Variants in PDLIM5 observed in about 807,000 individuals in gnomAD.
The protein encoded by PDLIM5 is PDZ and LIM domain 5.
In PDLIM5, 34 loss-of-function variants were observed where a neutral mutation model predicts 64.2. The ratio of observed to expected loss-of-function variants is 0.53; its 90% CI spans 0.40 to 0.71. The LOEUF (loss-of-function observed/expected upper bound fraction) is 0.71, where lower values mean the gene tolerates loss of function less well. Ranked by LOEUF, PDLIM5 falls within the 30% of genes least tolerant of loss-of-function variation. The probability of loss-of-function intolerance (pLI) is 0.00; values close to 1 mark genes in which losing one functional copy is unlikely to be tolerated. For missense variants in PDLIM5, 683 were observed against 733.6 expected (o/e 0.93, Z 0.80); for synonymous variants, 253 against 269.1 (o/e 0.94, Z 0.59).
intron 2 of PDLIM5, among the ~76,000 whole-genome samples, chr4:94,477,341 A>G (rs980971847): frequency 5.3e-5 from 8 of 152,236 alleles, no homozygotes; most frequent in Non-Finnish European, 1.2e-4. Flanking sequence ...TAAAAGGACA[A>G]TTTAAGTTAA....
At chr4:94,613,583 T>C (rs1239355545) in intron 7 of PDLIM5, among the ~76,000 whole-genome samples, 1 of 152,180 alleles carries the variant, frequency 6.6e-6, no homozygotes, top group African/African-American at 2.4e-5. Flanking sequence ...AACAAAAACC[T>C]TGGTATTCTT....
chr4:94,517,812 G>A (rs1729494527), intron 2 of PDLIM5, among the ~76,000 whole-genome samples: 3 of 152,204 alleles, frequency 2.0e-5, no homozygotes, highest in South Asian at 2.1e-4. Flanking sequence ...ATAGGTACAC[G>A]TCTCCTACTT....
Position 94,667,434 on chromosome 4 carries a change from T to C in PDLIM5, c.*3367T>C, listed in dbSNP as rs1044435226. 1.3e-5 allele frequency: 2 copies of C among 152,192 alleles called. No homozygotes were observed. Among genetic ancestry groups the C allele is most frequent in the African/African-American group, 4.8e-5 (2 of 41,438 alleles). The allele number at this position is 152,192 out of a possible 1,614,324, so 9.4% of individuals were successfully genotyped here. ...AACTTTTTTTTGTCATTAAACAATA[T>C]AGTATAACAACTATTTACAAAGCAT... On this transcript the variant is annotated 3_prime_UTR_variant, in exon 13 of 13. Transcript: ENST00000317968.
chr4:94,657,105 G>T (rs1742271996), intron 10 of PDLIM5, among the ~76,000 whole-genome samples: 1 of 152,170 alleles, frequency 6.6e-6, no homozygotes, highest in African/African-American at 2.4e-5. Context: ...AGAAGAAGCA[G>T]AAAGTTTTGT....
chr4:94,453,331 C>T (rs759611856), intron 1 of PDLIM5, among the ~76,000 whole-genome samples: 5 of 152,048 alleles, frequency 3.3e-5, no homozygotes, highest in Non-Finnish European at 7.4e-5. Context: ...AGATGAATTC[C>T]AAATGAAGCT....
intron 9 of PDLIM5, among the ~76,000 whole-genome samples, chr4:94,649,550 C>G (rs1161914638): frequency 2.0e-5 from 3 of 152,160 alleles, no homozygotes; most frequent in African/African-American, 7.2e-5. Flanking sequence ...CTGTCATCTC[C>G]CTGCCCTATG....
chr4:94,608,456 C>G (rs1241855044), intron 7 of PDLIM5, among the ~76,000 whole-genome samples: 1 of 152,142 alleles, frequency 6.6e-6, no homozygotes, highest in East Asian at 1.9e-4. Flanking sequence ...TGTCATAAGT[C>G]TCCTTTTCTG....
intron 2 of PDLIM5, among the ~76,000 whole-genome samples, chr4:94,502,969 G>A (rs1193569550): frequency 6.6e-6 from 1 of 152,130 alleles, no homozygotes; most frequent in African/African-American, 2.4e-5. Context: ...TGCCACTGCT[G>A]TAGGTACTAG....
rs563863248 is a variant in PDLIM5, at chr4:94,536,185, G to T, written c.248+12310G>T. ...TAGAGACAGGGAAGCAGAGACACTC[G>T]CAGGAAGGGAGAGACTGAGGAGAGA... On this transcript the variant is annotated intron_variant, in intron 3 of 12. Transcript: ENST00000317968. Among the ~76,000 whole-genome samples, 7 of 152,100 alleles carry T rather than the reference G, an allele frequency of 4.6e-5. No homozygotes were observed. In the South Asian group the frequency reaches 1.2e-3, roughly 27 times the overall value.
rs764436077 is a variant in PDLIM5 at position 94,664,027 on chromosome 4, AGC to A, written c.1752_1753del (p.Lys584AsnfsTer4). The A allele has an allele frequency of 2.5e-6, 4 of 1,608,906 alleles. No homozygotes were observed. The South Asian group carries it at 4.4e-5, about 18-fold the overall frequency. ...CAGACCTTTTTCTCCAAGAAGGACA[AGC>A]CCCTGTGTAAGAAACATGCTCATTC... is the stretch of plus-strand genomic sequence containing the variant. On this transcript the variant is annotated frameshift_variant, in exon 13 of 13. Coordinates refer to ENST00000317968, the MANE Select transcript of PDLIM5 (RefSeq NM_006457.5). LOFTEE classifies it high-confidence loss of function.
At chr4:94,565,896 CTG>C (rs2110255536) in intron 3 of PDLIM5, among the ~76,000 whole-genome samples, 1 of 152,178 alleles carries the variant, frequency 6.6e-6, no homozygotes, top group East Asian at 1.9e-4. Context: ...TATTATGTAT[CTG>C]TATATATTGA....
At chr4:94,608,376 T>G (rs548502834) in intron 7 of PDLIM5, among the ~76,000 whole-genome samples, 19 of 152,368 alleles carry the variant, frequency 1.2e-4, no homozygotes, top group Non-Finnish European at 1.5e-5. Flanking sequence ...AGTTTATAAC[T>G]TCTAATATAG....
chr4:94,629,327 C>T (rs1739958523), intron 8 of PDLIM5, among the ~76,000 whole-genome samples: 1 of 150,976 alleles, frequency 6.6e-6, no homozygotes, highest in Non-Finnish European at 1.5e-5. Context: ...GTGCGAGACT[C>T]AGTTTCAAAA....
At chr4:94,599,775 G>A (rs904393606) in intron 7 of PDLIM5, among the ~76,000 whole-genome samples, 1 of 152,134 alleles carries the variant, frequency 6.6e-6, no homozygotes, top group African/African-American at 2.4e-5. Context: ...ATAGTGAATG[G>A]TATAGTGAGC....
At chr4:94,471,385 T>G (rs887657972) in intron 2 of PDLIM5, among the ~76,000 whole-genome samples, 2 of 152,082 alleles carry the variant, frequency 1.3e-5, no homozygotes, top group Non-Finnish European at 2.9e-5. Flanking sequence ...CTTAAATTTC[T>G]AGGCTTAAAA....
intron 5 of PDLIM5, chr4:94,582,988 C>CA (rs1735859809): frequency 3.2e-6 from 1 of 308,994 alleles, no homozygotes; most frequent in Non-Finnish European, 5.9e-6. Context: ...GTATTATGGA[C>CA]AGTGTATACC....
At chr4:94,636,127 C>T (rs372026986) in intron 8 of PDLIM5, among the ~76,000 whole-genome samples, 188 of 152,238 alleles carry the variant, frequency 1.2e-3, no homozygotes, top group African/African-American at 4.0e-3. Context: ...GTTAGTTCCC[C>T]GTATACCTTC....
intron 9 of PDLIM5, among the ~76,000 whole-genome samples, chr4:94,650,858 G>A (rs1741790719): frequency 6.6e-6 from 1 of 150,610 alleles, no homozygotes; most frequent in African/African-American, 2.4e-5. Context: ...AAGATAAACA[G>A]GGTGAAAAGT....
Position 94,645,633 on chromosome 4 carries a change from G to A in PDLIM5, c.1283+5183G>A, listed in dbSNP as rs571901676. Among the ~76,000 whole-genome samples, 84 of 152,234 alleles carry A rather than the reference G, an allele frequency of 5.5e-4. 1 individual carries two copies. The highest frequency in any genetic ancestry group is 1.0e-3 in the Non-Finnish European group (70 of 67,998). ...ACTGTTTTTAGGAATATAATAGTAAGCAATACATATAGCCAGTGTGCTTTA... is the reference window on the plus strand; with the variant it reads ...ACTGTTTTTAGGAATATAATAGTAAACAATACATATAGCCAGTGTGCTTTA... On this transcript the variant is annotated intron_variant, in intron 9 of 12. Coordinates refer to ENST00000317968, the MANE Select transcript of PDLIM5 (RefSeq NM_006457.5).
Sources: gnomAD v4.1 joint callset for allele counts (sites outside exome capture counted in the v4.1 genomes callset) on GRCh38, gnomAD v4.1.1 for gene constraint, MANE v1.5 for transcripts, NCBI Gene and HGNC (gene_info 2026-07-23, HGNC 2026-07-21) for gene names.